The following ACAD11 variants were observed in gnomAD, a reference collection of about 807,000 sequenced individuals.
ACAD11 encodes acyl-CoA dehydrogenase family member 11, also known as acyl-Coenzyme A dehydrogenase family, member 11.
A neutral mutation model predicts 102.2 loss-of-function variants in ACAD11; 83 were observed. The observed-to-expected ratio is 0.81, with a 90% confidence interval of 0.68 to 0.97. The LOEUF is 0.97. ACAD11 is among the 50% of genes least tolerant of loss of function. ACAD11 has a pLI of 0.00. For missense variants in ACAD11, 901 were observed against 951.7 expected (o/e 0.95, Z 0.70); for synonymous variants, 324 against 319.8 (o/e 1.01, Z -0.14).
intron 2 of ACAD11, among the ~76,000 whole-genome samples, chr3:132,643,262 A>G (rs1940591876): frequency 6.6e-6 from 1 of 152,168 alleles, no homozygotes; most frequent in Non-Finnish European, 1.5e-5. Context: ...GGTGGAAGGA[A>G]AAGTACCTGC....
intron 1 of ACAD11, among the ~76,000 whole-genome samples, chr3:132,647,832 G>A (rs549143938): frequency 6.6e-6 from 1 of 152,102 alleles, no homozygotes; most frequent in Non-Finnish European, 1.5e-5. Flanking sequence ...TTGGGGCCTG[G>A]GAAGTCAAAA....
intron 5 of ACAD11, among the ~76,000 whole-genome samples, chr3:132,637,243 A>T (rs1322085330): frequency 6.6e-6 from 1 of 152,188 alleles, no homozygotes; most frequent in Non-Finnish European, 1.5e-5. Context: ...TAGAATAATA[A>T]GTAACCTAAG....
At chr3:132,592,053 A>G (rs990795328) in intron 13 of ACAD11, among the ~76,000 whole-genome samples, 1 of 152,164 alleles carries the variant, frequency 6.6e-6, no homozygotes, top group East Asian at 1.9e-4. Flanking sequence ...ATTCTAAAAA[A>G]TACAATTTTT....
At chr3:132,592,266 T>C (rs1343315663) in intron 13 of ACAD11, among the ~76,000 whole-genome samples, 7 of 152,310 alleles carry the variant, frequency 4.6e-5, no homozygotes, top group Middle Eastern at 3.4e-3. Context: ...GAGTTTTGCT[T>C]GTTTGTGTCA....
intron 5 of ACAD11, among the ~76,000 whole-genome samples, chr3:132,634,246 G>A (rs1387434848): frequency 2.6e-5 from 4 of 152,170 alleles, no homozygotes; most frequent in Admixed American, 6.5e-5. Flanking sequence ...GTGGGTGAAC[G>A]ATATGAACAG....
At chr3:132,633,111 T>G (rs1302148371) in intron 5 of ACAD11, among the ~76,000 whole-genome samples, 1 of 152,178 alleles carries the variant, frequency 6.6e-6, no homozygotes, top group Non-Finnish European at 1.5e-5. Context: ...CAACACTATG[T>G]TGAATAGGAG....
At chr3:132,578,460 G>C (rs574458961) in intron 15 of ACAD11, 1 of 152,574 alleles carries the variant, frequency 6.6e-6, no homozygotes, top group East Asian at 1.9e-4. Flanking sequence ...TAATTTTATT[G>C]TGGATTATCT....
intron 6 of ACAD11, 109 bp from the exon 7 acceptor site, chr3:132,630,667 C>T (rs1940003612): frequency 2.3e-6 from 2 of 858,814 alleles, no homozygotes; most frequent in Non-Finnish European, 1.7e-6. Context: ...TAACCATTAG[C>T]CCTTACAACA....
At chr3:132,645,560 AT>A (rs1342960063) in intron 1 of ACAD11, among the ~76,000 whole-genome samples, 12 of 152,222 alleles carry the variant, frequency 7.9e-5, no homozygotes, top group Non-Finnish European at 1.6e-4. Context: ...CACTTATAAT[AT>A]GGGCATTTAA....
At chr3:132,649,703 T>C (rs977526705) in intron 1 of ACAD11, 13 of 152,248 alleles carry the variant, frequency 8.5e-5, no homozygotes, top group African/African-American at 3.1e-4. Context: ...TCTTTCTATA[T>C]ACTTTGTCTC....
rs752664031 is a variant in ACAD11, at chr3:132,579,495, G to A, written c.1685C>T (p.Ser562Phe). The A allele has an allele frequency of 6.2e-7, 1 of 1,612,182 alleles. No individual in the cohort carries two copies. Among genetic ancestry groups the A allele is most frequent in the East Asian group, 2.2e-5 (1 of 44,778 alleles). Residue 562 changes from serine to phenylalanine, a missense_variant, in exon 14 of 20, where the codon TCC (serine) becomes TTC (phenylalanine). Physicochemically the swap from Ser to Phe is radical, Grantham distance 155. Transcript: ENST00000264990. The part of the protein sequence containing the change: ...VLGRTQNTSL[S>F]RHKQHSMILV... ...TCAATCAGAATTGTTTAATTACCTGGAGAGAGAAGTATTTTGAGTTCTTCC... is the reference window on the plus strand; with the variant it reads ...TCAATCAGAATTGTTTAATTACCTGAAGAGAGAAGTATTTTGAGTTCTTCC...
At chr3:132,605,499 A>C (rs1335995581) in intron 11 of ACAD11, among the ~76,000 whole-genome samples, 2 of 152,198 alleles carry the variant, frequency 1.3e-5, no homozygotes, top group African/African-American at 4.8e-5. Flanking sequence ...CTGAAGGAAA[A>C]AATTTACTGG....
intron 17 of ACAD11, among the ~76,000 whole-genome samples, chr3:132,574,842 T>G (rs1407269941): frequency 6.6e-6 from 1 of 152,174 alleles, no homozygotes; most frequent in Non-Finnish European, 1.5e-5. Context: ...CCTAATTTTT[T>G]TTCTTTTTCT....
intron 17 of ACAD11, among the ~76,000 whole-genome samples, chr3:132,568,227 C>T (rs1451353200): frequency 6.6e-6 from 1 of 151,770 alleles, no homozygotes; most frequent in Non-Finnish European, 1.5e-5. Context: ...AACTTCATCT[C>T]AAAAAAACAA....
At chr3:132,641,698 G>GGGAGAA (rs1940525839) in intron 4 of ACAD11, among the ~76,000 whole-genome samples, 1 of 116,642 alleles carries the variant, frequency 8.6e-6, no homozygotes. Flanking sequence ...AAGAGGAAGA[G>GGGAGAA]GAAGAAGAAG....
intron 17 of ACAD11, among the ~76,000 whole-genome samples, chr3:132,568,091 G>T (rs1469061198): frequency 6.6e-6 from 1 of 152,096 alleles, no homozygotes; most frequent in Non-Finnish European, 1.5e-5. Context: ...AGCCAGGTGT[G>T]GTGGCAGGCA....
intron 13 of ACAD11, among the ~76,000 whole-genome samples, chr3:132,584,482 C>T (rs1034362489): frequency 6.6e-6 from 1 of 152,140 alleles, no homozygotes; most frequent in African/African-American, 2.4e-5. Context: ...TTCCTGAATA[C>T]AGTACACTGA....
chr3:132,639,754 C>G (rs936632855), intron 4 of ACAD11, 98 bp from the exon 5 acceptor site: 73 of 1,143,962 alleles, frequency 6.4e-5, no homozygotes, highest in Non-Finnish European at 8.1e-5. Flanking sequence ...TGTTTTACTC[C>G]TAAATACTTA....
intron 13 of ACAD11, among the ~76,000 whole-genome samples, chr3:132,597,655 A>G (rs1195230432): frequency 6.6e-6 from 1 of 152,050 alleles, no homozygotes; most frequent in Non-Finnish European, 1.5e-5. Flanking sequence ...AAGACACTTA[A>G]AAGCGTGTCT....
Sources: allele counts gnomAD v4.1 joint callset (sites outside exome capture counted in the v4.1 genomes callset), GRCh38; gene constraint gnomAD v4.1.1; transcripts MANE v1.5; gene names NCBI Gene and HGNC (gene_info 2026-07-23, HGNC 2026-07-21).